Variants in CFAP251 observed in about 807,000 individuals in gnomAD.
CFAP251 encodes the protein cilia and flagella associated protein 251.
Under a neutral mutation model 126.7 loss-of-function variants are expected in CFAP251, and 93 were observed. That is an observed-to-expected ratio of 0.73 (90% CI 0.62 to 0.87). CFAP251 has a LOEUF of 0.87. CFAP251 is among the 40% of genes least tolerant of loss of function. The pLI is 0.00. For synonymous variants in CFAP251, 503 were observed against 506.9 expected, an observed-to-expected ratio of 0.99 and a Z score of 0.10; for missense variants, 1,287 against 1,389.2, an observed-to-expected ratio of 0.93 and a Z score of 1.17.
At chr12:121,928,670 G>GTATATATATATATACGTATATA (rs1880538740) in intron 3 of CFAP251, among the ~76,000 whole-genome samples, 1 of 50,858 alleles carries the variant, frequency 2.0e-5, no homozygotes, top group East Asian at 4.5e-4. Context: ...ATATATATAC[G>GTATATATATATATACGTATATA]TATATATATA....
chr12:121,952,142 C>G (rs1881551652), intron 9 of CFAP251, among the ~76,000 whole-genome samples: 1 of 149,678 alleles, frequency 6.7e-6, no homozygotes, highest in Non-Finnish European at 1.5e-5. Context: ...TGGCTCTCAT[C>G]TGTAATCCCA....
At chr12:121,953,355 G>A (rs1198158986) in intron 9 of CFAP251, 1 of 152,226 alleles carries the variant, frequency 6.6e-6, no homozygotes, top group Non-Finnish European at 1.5e-5. Flanking sequence ...GCCCTCAACT[G>A]GAAATGTGCA....
At chr12:121,942,861 C>T (rs779514165) in intron 6 of CFAP251, 34 bp from the exon 7 acceptor site, 55 of 1,611,376 alleles carry the variant, frequency 3.4e-5, no homozygotes, top group Non-Finnish European at 4.2e-5. Flanking sequence ...CTTCACAGAC[C>T]TTCTCATGCC....
intron 15 of CFAP251, among the ~76,000 whole-genome samples, chr12:121,964,147 TGTTG>T (rs1882044062): frequency 3.6e-5 from 1 of 27,868 alleles, no homozygotes; most frequent in Non-Finnish European, 3.6e-4. Flanking sequence ...ACCCGGGATT[TGTTG>T]TTGTTGTTGT....
chr12:121,985,928 GA>G (rs1882735395), intron 19 of CFAP251, among the ~76,000 whole-genome samples: 1 of 152,168 alleles, frequency 6.6e-6, no homozygotes, highest in Non-Finnish European at 1.5e-5. Flanking sequence ...GGCCAAAGTG[GA>G]AGGACCGCTT....
rs1194982112 is a variant in CFAP251, at chr12:121,949,022, G to A, written c.1230G>A (p.Leu410=). Residue 410 remains leucine, a synonymous_variant, in exon 8 of 22, where the codon TTG becomes TTA. Coordinates refer to ENST00000288912, the MANE Select transcript of CFAP251 (RefSeq NM_144668.6). The part of the protein sequence containing the change: ...VTFNPTNNKE[L]VSNSKTRAIY... The stretch of plus-strand genomic sequence containing the variant: ...TTAACCCAACAAATAATAAAGAATT[G>A]GTGAGCAATAGTAAAACACGGGCAA... 7 of 1,588,100 alleles carry A rather than the reference G, an allele frequency of 4.4e-6. No homozygotes were observed. The highest frequency in any genetic ancestry group is 6.0e-6 in the Non-Finnish European group (7 of 1,167,398).
intron 19 of CFAP251, among the ~76,000 whole-genome samples, chr12:121,996,711 C>T (rs1883028528): frequency 6.6e-6 from 1 of 152,098 alleles, no homozygotes; most frequent in Non-Finnish European, 1.5e-5. Context: ...TCTAAAAGAT[C>T]TCATGGGCTT....
At chr12:121,991,615 C>G (rs1422403531) in intron 19 of CFAP251, among the ~76,000 whole-genome samples, 2 of 152,186 alleles carry the variant, frequency 1.3e-5, no homozygotes, top group Non-Finnish European at 2.9e-5. Flanking sequence ...GAGCCTTTGC[C>G]TTCCAGCCAT....
rs1268297984 is a variant in CFAP251 at position 121,928,507 on chromosome 12, CTTACCAGA to C, written c.748-3236_748-3229del. 2.0e-5 allele frequency among the ~76,000 whole-genome samples: 3 copies of C among 151,322 alleles called. No individual in the cohort carries two copies. The East Asian group carries it at 5.8e-4, about 29-fold the overall frequency. The stretch of plus-strand genomic sequence containing the variant: ...TATTGTTCAAAGATAAGAAAGGAAA[CTTACCAGA>C]TTTTGTTTCTATATGCCAATTTAAT... On this transcript the variant is annotated intron_variant, in intron 3 of 21. Coordinates refer to ENST00000288912, the MANE Select transcript of CFAP251 (RefSeq NM_144668.6).
chr12:121,938,811 C>T (rs1336008336), intron 5 of CFAP251, among the ~76,000 whole-genome samples: 3 of 150,822 alleles, frequency 2.0e-5, no homozygotes, highest in East Asian at 4.0e-4. Context: ...GGTGAAACCC[C>T]GTCTCTACAA....
intron 19 of CFAP251, chr12:121,998,761 A>C (rs1883082567): frequency 6.6e-6 from 1 of 151,478 alleles, no homozygotes; most frequent in African/African-American, 2.4e-5. Flanking sequence ...ATGGTCAAGC[A>C]TGCCTATAGT....
At chr12:121,944,843 C>T (rs569763729) in intron 7 of CFAP251, among the ~76,000 whole-genome samples, 2 of 152,274 alleles carry the variant, frequency 1.3e-5, no homozygotes, top group East Asian at 1.9e-4. Flanking sequence ...AGAGCAGTGG[C>T]GCGATCTCAG....
rs774948309 is a variant in CFAP251, at chr12:121,975,273, G to C, written c.2801G>C (p.Gly934Ala). 5.0e-6 allele frequency: 8 copies of C among 1,613,980 alleles called. No homozygotes were observed. The African/African-American group carries it at 1.1e-4, about 22-fold the overall frequency. Residue 934 changes from glycine (G) to alanine (A), a missense_variant, in exon 18 of 22, where the codon GGT (glycine) becomes GCT (alanine). Transcript: ENST00000288912. Reference sequence around the variant, plus strand: ...CTGGAGGCAGCGGTTTCTCTTGGGGGTGAAGACTTGACCCCATTCTATGGT... The same window carrying C: ...CTGGAGGCAGCGGTTTCTCTTGGGGCTGAAGACTTGACCCCATTCTATGGT... ...SVLEAAVSLGGEDLTPFYGLL... is the reference protein window; with the variant it reads ...SVLEAAVSLGAEDLTPFYGLL...
Position 121,951,233 on chromosome 12 carries a change from T to G in CFAP251, c.1270-247T>G, listed in dbSNP as rs929603122. ...TGTTTCTGCTTGAAGACACCTTATT[T>G]AATATAGAACTCCATCTCAAGAAAA... On this transcript the variant is annotated intron_variant, in intron 8 of 21. Coordinates refer to ENST00000288912, the MANE Select transcript of CFAP251 (RefSeq NM_144668.6). 3.1e-4 allele frequency: 104 copies of G among 335,146 alleles called. 1 individual carries two copies. The Admixed American group carries it at 3.8e-3, about 12-fold the overall frequency. 20.8% of individuals were successfully genotyped at this position (335,146 alleles called of 1,614,324 possible). A position where few individuals can be genotyped will look rare whatever the true frequency, so the allele number is the denominator to read the frequency against.
Position 121,984,286 on chromosome 12 carries a change from G to T in CFAP251, c.3006+8601G>T, listed in dbSNP as rs573299272. 4.6e-5 allele frequency among the ~76,000 whole-genome samples: 7 copies of T among 152,214 alleles called. No individual in the cohort carries two copies. The South Asian group carries it at 1.5e-3, about 32-fold the overall frequency. On this transcript the variant is annotated intron_variant, in intron 19 of 21. Coordinates refer to ENST00000288912, the MANE Select transcript of CFAP251 (RefSeq NM_144668.6). The stretch of plus-strand genomic sequence containing the variant: ...AAGTGGTCATGGTGGGCTGCTCCTA[G>T]AAATCATTATTTATTTATTTATTTA...
At chr12:121,992,925 G>C (rs991296334) in intron 19 of CFAP251, among the ~76,000 whole-genome samples, 1 of 151,810 alleles carries the variant, frequency 6.6e-6, no homozygotes, top group Non-Finnish European at 1.5e-5. Flanking sequence ...CAAGTGCATA[G>C]AAAAATATAA....
At chr12:121,982,284 G>A (rs1033962423) in intron 19 of CFAP251, among the ~76,000 whole-genome samples, 1 of 151,640 alleles carries the variant, frequency 6.6e-6, no homozygotes, top group African/African-American at 2.4e-5. Context: ...ACAGCTCACT[G>A]CAGCCTCGAC....
chr12:121,950,117 GGTCTATCCATACAATGGAAT>G (rs1291138397), intron 8 of CFAP251: 1 of 152,136 alleles, frequency 6.6e-6, no homozygotes, highest in Non-Finnish European at 1.5e-5. Context: ...AACAAAATGT[GGTCTATCCATACAATGGAAT>G]GTTATTGTAT....
chr12:121,960,979 A>C (rs568458705), intron 14 of CFAP251, among the ~76,000 whole-genome samples: 160 of 152,342 alleles, frequency 1.1e-3, no homozygotes, highest in African/African-American at 3.7e-3. Context: ...CTTCCCGGGC[A>C]GCAACAAGTT....
Sources: allele counts gnomAD v4.1 joint callset (sites outside exome capture counted in the v4.1 genomes callset), GRCh38; gene constraint gnomAD v4.1.1; transcripts MANE v1.5; gene names NCBI Gene and HGNC (gene_info 2026-07-23, HGNC 2026-07-21).